PUS3: variants seen among roughly 807,000 people sequenced by gnomAD.
The protein encoded by PUS3 is tRNA pseudouridine(38/39) synthase.
In PUS3, 36 loss-of-function variants were observed where a neutral mutation model predicts 43.3. That is an observed-to-expected ratio of 0.83 (90% CI 0.64 to 1.10). The LOEUF (loss-of-function observed/expected upper bound fraction) is 1.10. Ranked by LOEUF, PUS3 falls within the 50% of genes least tolerant of loss-of-function variation. The probability of loss-of-function intolerance (pLI) is 0.00; values close to 1 mark genes in which losing one functional copy is unlikely to be tolerated. For missense variants in PUS3, 544 were observed against 589.9 expected (o/e 0.92, Z 0.81); for synonymous variants, 183 against 199.2 (o/e 0.92, Z 0.69).
intron 1 of PUS3, among the ~76,000 whole-genome samples, chr11:125,897,257 T>A (rs1944616636): frequency 6.6e-6 from 1 of 152,078 alleles, no homozygotes; most frequent in African/African-American, 2.4e-5. Flanking sequence ...GATTAAAAGT[T>A]TAAATTGTAA....
rs1292258589 is a variant in PUS3 at position 125,895,678 on chromosome 11, G to T, written c.490C>A (p.Leu164Ile). 6.2e-7 allele frequency: 1 copy of T among 1,614,080 alleles called. No individual in the cohort carries two copies. The highest frequency in any genetic ancestry group is 1.1e-5 in the South Asian group (1 of 91,078). The change falls in exon 3 of 4, where the codon CTC (leucine) becomes ATC (isoleucine). Residue 164 changes from leucine to isoleucine, a missense_variant. By Grantham distance (5) the Leu-to-Ile change is conservative. Transcript: ENST00000227474. ...AAEEIRYTHI[L>I]NRVLPPDIRI... is the part of the protein sequence containing the mutation. ...ATGTCTGGAGGGAGTACCCGATTGA[G>T]AATGTGGGTATAACGGATCTCTTCA...
chr11:125,895,210 T>A lies in PUS3; in HGVS notation c.944+14A>T. 1.3e-6 allele frequency: 2 copies of A among 1,540,410 alleles called. No homozygotes were observed. The highest frequency in any genetic ancestry group is 4.5e-5 in the East Asian group (2 of 44,420). On this transcript the variant is annotated intron_variant, in intron 3 of 3. Coordinates refer to ENST00000227474, the MANE Select transcript of PUS3 (RefSeq NM_031307.4). ...CTACAGGCATGTGCCATTTATTTTT[T>A]ATTTTTAACTCACCTATATTGAGGC...
chr11:125,894,571 A>T (rs1944517160), intron 3 of PUS3, among the ~76,000 whole-genome samples: 1 of 152,150 alleles, frequency 6.6e-6, no homozygotes, highest in Admixed American at 6.5e-5. Context: ...AACAGCTGGT[A>T]TTTTTTCCAA....
chr11:125,898,778 A>T lies in PUS3; in HGVS notation c.-46-2448T>A, dbSNP rs1944668644. On this transcript the variant is annotated intron_variant, in intron 1 of 3. Coordinates refer to ENST00000227474, the MANE Select transcript of PUS3 (RefSeq NM_031307.4). ...ACTGCTTTTGTGATTTTTTTTTTTT[A>T]GATCAAATCACTCTTTTATGGTTAA... Among the ~76,000 whole-genome samples the T allele has an allele frequency of 2.0e-5, 3 of 146,870 alleles. No individual in the cohort carries two copies. The South Asian group carries it at 6.4e-4, about 31-fold the overall frequency.
intron 1 of PUS3, chr11:125,900,384 T>C (rs896142981): frequency 8.4e-6 from 8 of 952,158 alleles, no homozygotes; most frequent in Non-Finnish European, 1.2e-5. Flanking sequence ...TGGTAAGGAC[T>C]TCACCTATCA....
chr11:125,902,263 A>G (rs1057510198), intron 1 of PUS3, among the ~76,000 whole-genome samples: 2 of 151,886 alleles, frequency 1.3e-5, no homozygotes, highest in East Asian at 1.9e-4. Flanking sequence ...TGTGTCCCCT[A>G]AGCACCAATT....
At chr11:125,900,105 T>G in intron 1 of PUS3, 2 of 1,614,158 alleles carry the variant, frequency 1.2e-6, no homozygotes, top group Non-Finnish European at 1.7e-6. Flanking sequence ...GAGCAGATGC[T>G]TTGTCGAGCA....
intron 1 of PUS3, among the ~76,000 whole-genome samples, 194 bp from the exon 2 acceptor site, chr11:125,896,524 G>GA (rs951831695): frequency 2.6e-5 from 4 of 152,202 alleles, no homozygotes; most frequent in African/African-American, 9.7e-5. Flanking sequence ...TTCACAGAGG[G>GA]AAAGAACTGT....
At chr11:125,899,735 G>A (rs1341366734) in intron 1 of PUS3, 1 of 1,614,218 alleles carries the variant, frequency 6.2e-7, no homozygotes, top group Admixed American at 1.7e-5. Flanking sequence ...ATCTGGTACA[G>A]AAAATGATCA....
At chr11:125,899,773 G>A in intron 1 of PUS3, 1 of 1,614,206 alleles carries the variant, frequency 6.2e-7, no homozygotes, top group Non-Finnish European at 8.5e-7. Flanking sequence ...GACAAAGGCT[G>A]ATGAATGTAC....
Position 125,895,334 on chromosome 11 carries a change from TTGA to T in PUS3, c.831_833del (p.His277del), listed in dbSNP as rs750072316. The T allele has an allele frequency of 4.3e-6, 7 of 1,614,100 alleles. No individual in the cohort carries two copies. The highest frequency in any genetic ancestry group is 3.4e-6 in the Non-Finnish European group (4 of 1,180,042). On this transcript the variant is annotated inframe_deletion, in exon 3 of 4. Coordinates refer to ENST00000227474, the MANE Select transcript of PUS3 (RefSeq NM_031307.4). ...AGAGGATAGCCATCATACATCGGAC[TTGA>T]TGATAAAGGAATGCCTGGCCAGTCA...
intron 1 of PUS3, among the ~76,000 whole-genome samples, chr11:125,898,747 C>A (rs1281201788): frequency 6.6e-6 from 1 of 150,678 alleles, no homozygotes; most frequent in Non-Finnish European, 1.5e-5. Flanking sequence ...TGTGAGAGAA[C>A]ACAACACTGC....
intron 1 of PUS3, among the ~76,000 whole-genome samples, chr11:125,901,512 G>C (rs541563583): frequency 3.3e-5 from 5 of 152,324 alleles, no homozygotes; most frequent in African/African-American, 1.2e-4. Context: ...CCAGAGGCCA[G>C]AAGAATGATA....
In PUS3 at chr11:125,903,190, C is replaced by A. The variant is rs764158546; in HGVS notation, c.-67G>T. 117 of 985,362 alleles carry A rather than the reference C, an allele frequency of 1.2e-4. No homozygotes were observed. The highest frequency in any genetic ancestry group is 1.3e-4 in the Non-Finnish European group (106 of 829,954). The allele number at this position is 985,362 out of a possible 1,614,324, so 61.0% of individuals were successfully genotyped here. A position where few individuals can be genotyped will look rare whatever the true frequency, so the allele number is the denominator to read the frequency against. On this transcript the variant is annotated 5_prime_UTR_variant, in exon 1 of 4. Coordinates refer to ENST00000227474, the MANE Select transcript of PUS3 (RefSeq NM_031307.4). ...CTTACTTTCCGGCAGCCGGCCGCGC[C>A]GCGTTTCCGAGAAAGGAAGCTGTCA...
intron 1 of PUS3, chr11:125,900,638 G>A (rs1419790074): frequency 3.8e-6 from 1 of 260,554 alleles, no homozygotes; most frequent in East Asian, 1.2e-4. Flanking sequence ...AAAGAATTTT[G>A]GAAATTCATG....
chr11:125,902,195 A>G (rs977114095), intron 1 of PUS3, among the ~76,000 whole-genome samples: 1 of 152,172 alleles, frequency 6.6e-6, no homozygotes. Flanking sequence ...GTTCCCAAGC[A>G]GACGTTTAAA....
chr11:125,899,397 T>A, intron 1 of PUS3: 1 of 1,614,144 alleles, frequency 6.2e-7, no homozygotes, highest in Non-Finnish European at 8.5e-7. Context: ...GATGGACAAA[T>A]ATGGGCTAAT....
chr11:125,893,490 G>T lies in PUS3; in HGVS notation c.*295C>A. The T allele has an allele frequency of 4.2e-6, 1 of 237,256 alleles. No individual in the cohort carries two copies. The highest frequency in any genetic ancestry group is 8.0e-6 in the Non-Finnish European group (1 of 124,310). 14.7% of individuals were successfully genotyped at this position (237,256 alleles called of 1,614,324 possible). A position where few individuals can be genotyped will look rare whatever the true frequency, so the allele number is the denominator to read the frequency against. ...GAAAAACACAACAAATCAGATACTTGCAGGATTAGGCTTTAATGAATTTGA... is the reference window on the plus strand; with the variant it reads ...GAAAAACACAACAAATCAGATACTTTCAGGATTAGGCTTTAATGAATTTGA... On this transcript the variant is annotated 3_prime_UTR_variant, in exon 4 of 4. Transcript: ENST00000227474.
intron 1 of PUS3, chr11:125,899,734 A>C: frequency 1.2e-6 from 2 of 1,614,250 alleles, no homozygotes; most frequent in Non-Finnish European, 1.7e-6. Flanking sequence ...AATCTGGTAC[A>C]GAAAATGATC....
Sources: gnomAD v4.1 joint callset for allele counts (sites outside exome capture counted in the v4.1 genomes callset) on GRCh38, gnomAD v4.1.1 for gene constraint, MANE v1.5 for transcripts, NCBI Gene and HGNC (gene_info 2026-07-23, HGNC 2026-07-21) for gene names.